The following PLPP4 variants were observed in gnomAD, a reference collection of about 807,000 sequenced individuals.
PLPP4 encodes diacylglycerol pyrophosphate like 2.
PLPP4 carries 20 observed loss-of-function variants against 32.2 expected under a neutral mutation model. The observed-to-expected ratio is 0.62, with a 90% CI of 0.44 to 0.90. The LOEUF is 0.90. Ranked by LOEUF, PLPP4 falls within the 40% of genes least tolerant of loss-of-function variation. The probability of loss-of-function intolerance (pLI) is 0.00; values close to 1 mark genes in which losing one functional copy is unlikely to be tolerated. For synonymous variants in PLPP4, 127 were observed against 133.0 expected (o/e 0.95, Z 0.31); for missense variants, 257 against 353.1 (o/e 0.73, Z 2.18).
chr10:120,457,567 C>T (rs1266875783), intron 1 of PLPP4, among the ~76,000 whole-genome samples: 3 of 152,256 alleles, frequency 2.0e-5, no homozygotes, highest in African/African-American at 7.2e-5. Flanking sequence ...CGCGGAGCGA[C>T]CACCGCGCGC....
chr10:120,498,984 A>G (rs73369293), intron 1 of PLPP4, among the ~76,000 whole-genome samples: 2,679 of 152,266 alleles, frequency 0.018, 76 homozygotes, highest in African/African-American at 0.061. Flanking sequence ...AGTGAGAACA[A>G]CAGGCCTGAC....
intron 5 of PLPP4, among the ~76,000 whole-genome samples, chr10:120,522,842 G>T (rs1009268896): frequency 3.3e-5 from 5 of 152,132 alleles, no homozygotes; most frequent in African/African-American, 1.2e-4. Flanking sequence ...TAATCCTTTC[G>T]CTATGTGTAT....
intron 1 of PLPP4, among the ~76,000 whole-genome samples, chr10:120,489,638 G>T (rs1337785640): frequency 6.6e-6 from 1 of 152,150 alleles, no homozygotes; most frequent in Non-Finnish European, 1.5e-5. Context: ...GCCGTGGGGA[G>T]ATGCAGACTC....
Position 120,513,947 on chromosome 10 carries a change from G to A in PLPP4, c.202G>A (p.Val68Met). The change falls in exon 3 of 7, where the codon GTG becomes ATG. Residue 68 changes from valine (V) to methionine (M), a missense_variant. Transcript: ENST00000398250. Reference protein sequence around the residue: ...SFLTPLAVICVVKIIRRTDKT... With the variant: ...SFLTPLAVICMVKIIRRTDKT... Reference sequence around the variant, plus strand: ...CCTCACACCCCTGGCTGTTATTTGTGTGGTGAAAATTATCCGGCGAACAGA... The same window carrying A: ...CCTCACACCCCTGGCTGTTATTTGTATGGTGAAAATTATCCGGCGAACAGA... 1 of 1,614,032 alleles carries A rather than the reference G, an allele frequency of 6.2e-7. No individual in the cohort carries two copies. Among genetic ancestry groups the A allele is most frequent in the East Asian group, 2.2e-5 (1 of 44,878 alleles).
intron 1 of PLPP4, among the ~76,000 whole-genome samples, chr10:120,465,574 CTTT>C (rs1848272722): frequency 6.6e-6 from 1 of 152,198 alleles, no homozygotes; most frequent in African/African-American, 2.4e-5. Context: ...TTTCTTTCTT[CTTT>C]ACCAGAGGGT....
At chr10:120,548,251 C>T (rs1354963413) in intron 5 of PLPP4, among the ~76,000 whole-genome samples, 1 of 151,978 alleles carries the variant, frequency 6.6e-6, no homozygotes, top group Non-Finnish European at 1.5e-5. Context: ...TCAAATAGGC[C>T]TCAGTTTTTG....
intron 4 of PLPP4, among the ~76,000 whole-genome samples, chr10:120,519,136 G>T (rs1846051044): frequency 6.6e-6 from 1 of 152,118 alleles, no homozygotes; most frequent in Non-Finnish European, 1.5e-5. Context: ...GTGGGACAAA[G>T]CTTACTGCTG....
intron 6 of PLPP4, among the ~76,000 whole-genome samples, chr10:120,583,959 G>A (rs559125697): frequency 1.3e-5 from 2 of 152,304 alleles, no homozygotes; most frequent in South Asian, 4.1e-4. Context: ...TCCATGCTGA[G>A]GGCTCCACAG....
At chr10:120,545,609 C>T (rs773644064) in intron 5 of PLPP4, among the ~76,000 whole-genome samples, 13 of 152,136 alleles carry the variant, frequency 8.5e-5, no homozygotes, top group Non-Finnish European at 1.5e-4. Flanking sequence ...TGCTGGTAAC[C>T]CATGCTCAGC....
rs1419501493 is a variant in PLPP4, at chr10:120,590,802, G to A, written c.*1300G>A. Among the ~76,000 whole-genome samples, 1 of 139,794 alleles carries A rather than the reference G, an allele frequency of 7.2e-6. No homozygotes were observed. The highest frequency in any genetic ancestry group is 1.5e-5 in the Non-Finnish European group (1 of 66,398). The allele number at this position is 139,794 out of a possible 152,430, so 91.7% of individuals were successfully genotyped here. A position where few individuals can be genotyped will look rare whatever the true frequency, so the allele number is the denominator to read the frequency against. Reference sequence around the variant, plus strand: ...TTTTTTTTTGAGATGGAGTCTCGCTGTGTCGAGACTGCACTGGAGTGCAGT... The same window carrying A: ...TTTTTTTTTGAGATGGAGTCTCGCTATGTCGAGACTGCACTGGAGTGCAGT... On this transcript the variant is annotated 3_prime_UTR_variant, in exon 7 of 7. Coordinates refer to ENST00000398250, the MANE Select transcript of PLPP4 (RefSeq NM_001030059.3).
At chr10:120,497,952 A>G (rs1241032159) in intron 1 of PLPP4, among the ~76,000 whole-genome samples, 1 of 152,114 alleles carries the variant, frequency 6.6e-6, no homozygotes, top group Non-Finnish European at 1.5e-5. Context: ...AGGCAGGAGA[A>G]TGGCGTGAAC....
rs185850467 is a variant in PLPP4, at chr10:120,564,866, G to A, written c.446-10265G>A. Among the ~76,000 whole-genome samples the A allele has an allele frequency of 3.2e-3, 487 of 151,764 alleles. 2 individuals carry two copies. The highest frequency in any genetic ancestry group is 0.011 in the African/African-American group (467 of 41,412). ...TATGTATTTAAAAAATTTTTAAATA[G>A]GGAGCAAATTTCTATTCTATTTCTT... On this transcript the variant is annotated intron_variant, in intron 5 of 6. Coordinates refer to ENST00000398250, the MANE Select transcript of PLPP4 (RefSeq NM_001030059.3).
At chr10:120,513,885 A>G (rs1315130823) in intron 2 of PLPP4, 26 bp from the exon 3 acceptor site, 9 of 1,567,042 alleles carry the variant, frequency 5.7e-6, no homozygotes, top group Non-Finnish European at 7.9e-6. Context: ...ATGTCCTCAT[A>G]AGGGATTGTT....
In PLPP4 at chr10:120,521,093, C is replaced by T. The variant is rs1164039015; in HGVS notation, c.443C>T (p.Ser148Phe). 6.2e-7 allele frequency: 1 copy of T among 1,614,042 alleles called. No homozygotes were observed. The change falls in exon 5 of 7, where the codon TCC (serine) becomes TTC (phenylalanine). Residue 148 changes from serine to phenylalanine, a missense_variant and splice_region_variant. By Grantham distance (155) the Ser-to-Phe change is radical. Transcript: ENST00000398250. ...AAAAGCTTCCCCAGCATCCATTCCT[C>T]CTGTAAGTTCATGGCTGGGATTCTC... ...GRKSFPSIHS[S>F]FAFSGLGFTT... is the part of the protein sequence containing the mutation.
chr10:120,498,925 C>A lies in PLPP4; in HGVS notation c.57-4893C>A, dbSNP rs1199002059. Among the ~76,000 whole-genome samples, 14 of 152,142 alleles carry A rather than the reference C, an allele frequency of 9.2e-5. No individual in the cohort carries two copies. In the South Asian group the frequency reaches 2.7e-3, roughly 29 times the overall value. On this transcript the variant is annotated intron_variant, in intron 1 of 6. Transcript: ENST00000398250. ...TCCACCTGCCTTGGCCTCCCAAAAT[C>A]ACTTCTATTCTTAATGAAGGCTTTG...
chr10:120,552,208 GAT>G (rs1847942471), intron 5 of PLPP4, among the ~76,000 whole-genome samples: 3 of 135,794 alleles, frequency 2.2e-5, no homozygotes, highest in African/African-American at 8.0e-5. Flanking sequence ...GTGTGTGTGT[GAT>G]GTTATGTTTT....
At chr10:120,465,008 T>C (rs1359841594) in intron 1 of PLPP4, among the ~76,000 whole-genome samples, 1 of 152,172 alleles carries the variant, frequency 6.6e-6, no homozygotes, top group Non-Finnish European at 1.5e-5. Flanking sequence ...AGATAAATGC[T>C]CCCGGCACTG....
chr10:120,578,376 C>T lies in PLPP4; in HGVS notation c.616+3075C>T, dbSNP rs556763726. 6.6e-4 allele frequency among the ~76,000 whole-genome samples: 101 copies of T among 152,258 alleles called. 1 individual carries two copies. The highest frequency in any genetic ancestry group is 2.3e-3 in the African/African-American group (94 of 41,548). ...AACTGAGCTGCCCAGTGACTGTGGG[C>T]GGGGGCCATCCATCATGGTGAGAAT... On this transcript the variant is annotated intron_variant, in intron 6 of 6. Transcript: ENST00000398250.
intron 5 of PLPP4, among the ~76,000 whole-genome samples, chr10:120,559,385 CTTTTA>C (rs949446227): frequency 2.0e-5 from 3 of 150,666 alleles, no homozygotes; most frequent in Non-Finnish European, 3.0e-5. Flanking sequence ...TTTATTAATT[CTTTTA>C]TTTTATAATC....
Sources: gnomAD v4.1 joint callset for allele counts (sites outside exome capture counted in the v4.1 genomes callset) on GRCh38, gnomAD v4.1.1 for gene constraint, MANE v1.5 for transcripts, NCBI Gene and HGNC (gene_info 2026-07-23, HGNC 2026-07-21) for gene names.